Variants in FAM120C observed in about 807,000 individuals in gnomAD.
The protein encoded by FAM120C is constitutive coactivator of PPAR-gamma-like protein 2.
Under a neutral mutation model 71.2 loss-of-function variants are expected in FAM120C, and 14 were observed. That is an observed-to-expected ratio of 0.20 (90% CI 0.13 to 0.31). The LOEUF (loss-of-function observed/expected upper bound fraction) is 0.31, where lower values mean the gene tolerates loss of function less well. Among genes scored for constraint, FAM120C ranks in the 10% least tolerant of loss-of-function variants. The pLI is 1.00. For missense variants in FAM120C, 500 were observed against 879.0 expected (o/e 0.57, Z 5.45); for synonymous variants, 354 against 353.2 (o/e 1.00, Z -0.03).
At chrX:54,113,233 G>A (rs782809047) in intron 10 of FAM120C, among the ~76,000 whole-genome samples, 19 of 110,156 alleles carry the variant, frequency 1.7e-4, no homozygotes, top group African/African-American at 5.9e-4. Flanking sequence ...AGGTCAAGGC[G>A]GGTGGATCAC....
chrX:54,166,436 G>A (rs1285991964), intron 1 of FAM120C, among the ~76,000 whole-genome samples: 1 of 112,117 alleles, frequency 8.9e-6, no homozygotes, highest in Non-Finnish European at 1.9e-5. Context: ...GCCTAAGTGT[G>A]AGCAACTCCT....
At chrX:54,101,492 CTT>C (rs1157517535) in intron 10 of FAM120C, among the ~76,000 whole-genome samples, 1 of 112,189 alleles carries the variant, frequency 8.9e-6, no homozygotes, top group African/African-American at 3.2e-5. Flanking sequence ...CCTGAAAACT[CTT>C]TTTCATTCTC....
intron 3 of FAM120C, among the ~76,000 whole-genome samples, chrX:54,155,829 T>C (rs941139283): frequency 9.0e-6 from 1 of 110,997 alleles, no homozygotes; most frequent in Non-Finnish European, 1.9e-5. Flanking sequence ...TGCCTGATAG[T>C]CCCAGCTACT....
intron 15 of FAM120C, among the ~76,000 whole-genome samples, chrX:54,079,829 G>A (rs782122133): frequency 7.3e-5 from 8 of 110,277 alleles, no homozygotes; most frequent in Non-Finnish European, 1.3e-4. Context: ...TAACGCTCCC[G>A]CCACATATAT....
chrX:54,178,044 A>G (rs185923880), intron 1 of FAM120C, among the ~76,000 whole-genome samples: 1 of 112,358 alleles, frequency 8.9e-6, no homozygotes, highest in East Asian at 2.8e-4. Flanking sequence ...AATGGGAATT[A>G]ATACAATCTG....
intron 11 of FAM120C, among the ~76,000 whole-genome samples, chrX:54,090,387 C>T (rs1557122508): frequency 1.8e-5 from 2 of 110,182 alleles, no homozygotes; most frequent in Non-Finnish European, 3.8e-5. Context: ...GCCCTGCCAT[C>T]ACGCCCAGCT....
chrX:54,077,818 A>C (rs1156299245), intron 15 of FAM120C, among the ~76,000 whole-genome samples: 1 of 109,671 alleles, frequency 9.1e-6, no homozygotes, highest in East Asian at 2.9e-4. Context: ...TCAGTTCTTT[A>C]TCTCTCACCC....
At chrX:54,116,864 A>C in intron 9 of FAM120C, 70 bp from the exon 10 acceptor site, 1 of 1,101,401 alleles carries the variant, frequency 9.1e-7, no homozygotes, top group Non-Finnish European at 1.2e-6. Context: ...TAGCCACAGG[A>C]CATTGACAGG....
In FAM120C at chrX:54,131,715, G is replaced by A. The variant is rs1354469376; in HGVS notation, c.2062+977C>T. Among the ~76,000 whole-genome samples the A allele has an allele frequency of 2.7e-5, 3 of 110,879 alleles. No individual in the cohort carries two copies. The East Asian group carries it at 8.5e-4, about 31-fold the overall frequency. ...GGCCTCCCAAAGTGCTGGGATTACA[G>A]GCATGAGCCACTGCACCTGGCCTGT... On this transcript the variant is annotated intron_variant, in intron 9 of 15. Transcript: ENST00000375180.
chrX:54,118,528 G>A (rs1309137694), intron 9 of FAM120C, among the ~76,000 whole-genome samples: 1 of 109,287 alleles, frequency 9.2e-6, no homozygotes, highest in African/African-American at 3.3e-5. Flanking sequence ...AACTGACAAA[G>A]TATTTTCCAG....
Position 54,183,138 on chromosome X carries a change from C to T in FAM120C, c.61G>A (p.Val21Met). 1 of 1,153,555 alleles carries T rather than the reference C, an allele frequency of 8.7e-7. No homozygotes were observed. The highest frequency in any genetic ancestry group is 1.2e-6 in the Non-Finnish European group (1 of 868,427). ...GTGCGCGCGAGTTTTAGGAGGTCCA[C>T]GGGCACCACGGCCCCGGGACAGCGC... ...EKRCPGAVVP[V>M]DLLKLARTVS... Residue 21 changes from valine (V) to methionine (M), a missense_variant, in exon 1 of 16, where the codon GTG becomes ATG. Val to Met is a conservative substitution (Grantham distance 21). Transcript: ENST00000375180.
intron 10 of FAM120C, among the ~76,000 whole-genome samples, chrX:54,111,507 A>G (rs1335459032): frequency 9.9e-6 from 1 of 101,257 alleles, no homozygotes; most frequent in Non-Finnish European, 2.0e-5. Flanking sequence ...TCAAGCTGAG[A>G]ACCAAATCAA....
At chrX:54,171,602 G>A (rs1295356440) in intron 1 of FAM120C, 1 of 111,340 alleles carries the variant, frequency 9.0e-6, no homozygotes, top group African/African-American at 3.3e-5. Flanking sequence ...TGTGCCAAGA[G>A]GTCAATGTTA....
At chrX:54,111,101 G>A (rs2066935041) in intron 10 of FAM120C, among the ~76,000 whole-genome samples, 1 of 109,723 alleles carries the variant, frequency 9.1e-6, no homozygotes, top group African/African-American at 3.3e-5. Flanking sequence ...GTGTGCTGTA[G>A]TCCCAGCTAC....
chrX:54,142,456 C>T (rs936096406), intron 4 of FAM120C, among the ~76,000 whole-genome samples: 2 of 112,367 alleles, frequency 1.8e-5, no homozygotes, highest in Non-Finnish European at 3.8e-5. Flanking sequence ...GAGGGTCCTA[C>T]ACACGGAGCC....
chrX:54,091,375 G>A lies in FAM120C; in HGVS notation c.2364C>T (p.Asp788=), dbSNP rs1026891941. The change falls in exon 11 of 16, where the codon GAC becomes GAT. Residue 788 remains aspartate (D), a synonymous_variant. Coordinates refer to ENST00000375180, the MANE Select transcript of FAM120C (RefSeq NM_017848.6). ...GGRILHRHEL[D]TFLAQAVSTQ... is the part of the protein sequence containing the mutation. ...TAGACACTGCCTGTGCAAGGAAGGT[G>A]TCTAGCTCATGGCGATGCAGGATTC... The A allele has an allele frequency of 4.1e-6, 5 of 1,211,448 alleles. No homozygotes were observed. The African/African-American group carries it at 6.9e-5, about 17-fold the overall frequency.
rs782436777 is a variant in FAM120C, at chrX:54,088,339, C to G, written c.2428-375G>C. Among the ~76,000 whole-genome samples, 3 of 111,184 alleles carry G rather than the reference C, an allele frequency of 2.7e-5. No individual in the cohort carries two copies. In the South Asian group the frequency reaches 1.1e-3, roughly 42 times the overall value. On this transcript the variant is annotated intron_variant, in intron 11 of 15. Transcript: ENST00000375180. ...AGGTGCAGTGGCTCACGCCTGTAATCCTAGCACTTCGGGAGGCTGAGGCAG... is the reference window on the plus strand; with the variant it reads ...AGGTGCAGTGGCTCACGCCTGTAATGCTAGCACTTCGGGAGGCTGAGGCAG...
At chrX:54,116,426 TAAGCCA>T in intron 10 of FAM120C, 113 bp downstream of exon 10, 1 of 841,913 alleles carries the variant, frequency 1.2e-6, no homozygotes, top group Non-Finnish European at 1.6e-6. Context: ...TTCTGGCGCA[TAAGCCA>T]AACATAAAAT....
At chrX:54,142,226 G>T (rs1342885735) in intron 4 of FAM120C, among the ~76,000 whole-genome samples, 1 of 111,809 alleles carries the variant, frequency 8.9e-6, no homozygotes, top group Non-Finnish European at 1.9e-5. Flanking sequence ...TCATCTCACT[G>T]GGGCTTGTTG....
Sources: gnomAD v4.1 joint callset for allele counts (sites outside exome capture counted in the v4.1 genomes callset) on GRCh38, gnomAD v4.1.1 for gene constraint, MANE v1.5 for transcripts, NCBI Gene and HGNC (gene_info 2026-07-23, HGNC 2026-07-21) for gene names.